Variants in CAMK1D observed in about 807,000 individuals in gnomAD.
CAMK1D encodes the protein calcium/calmodulin-dependent protein kinase type 1D.
CAMK1D carries 9 observed loss-of-function variants against 47.7 expected under a neutral mutation model. That is an observed-to-expected ratio of 0.19 (90% CI 0.11 to 0.33). The LOEUF (loss-of-function observed/expected upper bound fraction) is 0.33. Ranked by LOEUF, CAMK1D falls within the 10% of genes least tolerant of loss-of-function variation. CAMK1D has a pLI of 1.00. For synonymous variants in CAMK1D, 184 were observed against 184.9 expected (o/e 0.99, Z 0.04); for missense variants, 291 against 488.7 (o/e 0.60, Z 3.81).
At chr10:12,415,455 ATTTTTTTTT>A (rs5783266) in intron 1 of CAMK1D, among the ~76,000 whole-genome samples, 2 of 93,138 alleles carry the variant, frequency 2.1e-5, no homozygotes, top group Non-Finnish European at 4.2e-5. Context: ...CGCCTGGCTA[ATTTTTTTTT>A]TTTTTTTTTT....
intron 3 of CAMK1D, among the ~76,000 whole-genome samples, chr10:12,690,989 G>C (rs890435653): frequency 1.3e-5 from 2 of 152,118 alleles, no homozygotes; most frequent in East Asian, 1.9e-4. Flanking sequence ...CTTTCTCTCT[G>C]TTGACTGGGG....
chr10:12,637,104 T>A (rs1839531400), intron 2 of CAMK1D, among the ~76,000 whole-genome samples: 1 of 152,032 alleles, frequency 6.6e-6, no homozygotes, highest in Admixed American at 6.6e-5. Flanking sequence ...CCCAAGTAGT[T>A]GGGATTATAG....
chr10:12,625,772 G>A (rs923132661), intron 2 of CAMK1D, among the ~76,000 whole-genome samples: 19 of 152,012 alleles, frequency 1.2e-4, no homozygotes, highest in African/African-American at 4.6e-4. Flanking sequence ...CTCCTTACAC[G>A]TCTTCACTTG....
intron 2 of CAMK1D, among the ~76,000 whole-genome samples, chr10:12,604,009 GC>G (rs1838379543): frequency 6.6e-6 from 1 of 152,160 alleles, no homozygotes; most frequent in Non-Finnish European, 1.5e-5. Flanking sequence ...CAGCCACCGT[GC>G]CAGTGGCCAT....
chr10:12,604,952 A>T (rs7922759), intron 2 of CAMK1D, among the ~76,000 whole-genome samples: 14,941 of 151,600 alleles, frequency 0.099, 1,038 homozygotes, highest in Admixed American at 0.16. Context: ...CAATGGCGCA[A>T]TCTCAACTCA....
chr10:12,807,782 C>T (rs1361514939), intron 6 of CAMK1D, among the ~76,000 whole-genome samples: 1 of 152,180 alleles, frequency 6.6e-6, no homozygotes. Flanking sequence ...CTGAACTGTC[C>T]GTTCCTCCGT....
At chr10:12,389,977 G>T (rs914877289) in intron 1 of CAMK1D, among the ~76,000 whole-genome samples, 1 of 152,166 alleles carries the variant, frequency 6.6e-6, no homozygotes, top group African/African-American at 2.4e-5. Context: ...CTGTGCATGG[G>T]AGGTCCTGCC....
intron 1 of CAMK1D, among the ~76,000 whole-genome samples, chr10:12,443,457 G>GA (rs750345432): frequency 6.6e-6 from 1 of 152,160 alleles, no homozygotes; most frequent in Non-Finnish European, 1.5e-5. Flanking sequence ...CGTGTTACAG[G>GA]AAAGGGGTCC....
intron 3 of CAMK1D, among the ~76,000 whole-genome samples, chr10:12,736,015 T>A (rs1041500874): frequency 6.6e-6 from 1 of 152,204 alleles, no homozygotes; most frequent in Non-Finnish European, 1.5e-5. Context: ...TGGCACTGGC[T>A]GCAAGGCCTT....
chr10:12,445,680 TAAAAAG>T (rs1474406372), intron 1 of CAMK1D, among the ~76,000 whole-genome samples: 1 of 152,176 alleles, frequency 6.6e-6, no homozygotes, highest in Admixed American at 6.5e-5. Context: ...TCTGTAAGAA[TAAAAAG>T]AAAAAGTCCT....
At chr10:12,449,793 A>C (rs1833029234) in intron 1 of CAMK1D, among the ~76,000 whole-genome samples, 1 of 152,124 alleles carries the variant, frequency 6.6e-6, no homozygotes, top group African/African-American at 2.4e-5. Context: ...GAGGTTAGGA[A>C]TTTGAGATTA....
At chr10:12,812,996 G>C (rs75411892) in intron 6 of CAMK1D, among the ~76,000 whole-genome samples, 2,403 of 152,324 alleles carry the variant, frequency 0.016, 53 homozygotes, top group African/African-American at 0.053. Context: ...ACTGATTTCA[G>C]AACTGAAATG....
rs770149202 is a variant in CAMK1D at position 12,439,905 on chromosome 10, AAG to A, written c.92+90003_92+90004del. Among the ~76,000 whole-genome samples, 11 of 152,326 alleles carry A rather than the reference AAG, an allele frequency of 7.2e-5. No individual in the cohort carries two copies. In the East Asian group the frequency reaches 1.2e-3, roughly 16 times the overall value. On this transcript the variant is annotated intron_variant, in intron 1 of 10. Transcript: ENST00000619168. ...AGGCACATCTTACATGGCGGCAGGCAAGAGAGAGAATGAGAACCAGGTGAAAA... is the reference window on the plus strand; with the variant it reads ...AGGCACATCTTACATGGCGGCAGGCAAGAGAGAATGAGAACCAGGTGAAAA...
At chr10:12,439,687 C>T (rs561436010) in intron 1 of CAMK1D, among the ~76,000 whole-genome samples, 17 of 152,254 alleles carry the variant, frequency 1.1e-4, no homozygotes, top group African/African-American at 3.4e-4. Context: ...TGATATAAGA[C>T]GAATCTGAGG....
chr10:12,725,319 C>T (rs745799486), intron 3 of CAMK1D: 1 of 154,316 alleles, frequency 6.5e-6, no homozygotes, highest in Non-Finnish European at 1.5e-5. Context: ...AAAGTAATGG[C>T]AAAAACCGCC....
chr10:12,358,362 C>T (rs1409918468), intron 1 of CAMK1D, among the ~76,000 whole-genome samples: 3 of 152,024 alleles, frequency 2.0e-5, no homozygotes, highest in Admixed American at 6.6e-5. Flanking sequence ...GGTAAAACCC[C>T]GTCTCTACTA....
chr10:12,598,785 G>T (rs570790690), intron 2 of CAMK1D, among the ~76,000 whole-genome samples: 2 of 152,260 alleles, frequency 1.3e-5, no homozygotes, highest in South Asian at 2.1e-4. Context: ...ACGAATACGG[G>T]TCAACCTTTT....
intron 2 of CAMK1D, among the ~76,000 whole-genome samples, chr10:12,563,785 A>G (rs1432276604): frequency 3.3e-5 from 5 of 152,004 alleles, no homozygotes; most frequent in African/African-American, 9.7e-5. Flanking sequence ...GCCACCTTGT[A>G]TACTATACAT....
intron 2 of CAMK1D, among the ~76,000 whole-genome samples, chr10:12,561,575 G>A (rs1054315458): frequency 1.3e-5 from 2 of 152,150 alleles, no homozygotes; most frequent in Non-Finnish European, 2.9e-5. Flanking sequence ...TAAGTCCGGA[G>A]ACTTCCCCTG....
Sources: allele counts gnomAD v4.1 joint callset (sites outside exome capture counted in the v4.1 genomes callset), GRCh38; gene constraint gnomAD v4.1.1; transcripts MANE v1.5; gene names NCBI Gene and HGNC (gene_info 2026-07-23, HGNC 2026-07-21).